CACNA1E: variants seen among roughly 807,000 people sequenced by gnomAD.
The protein encoded by CACNA1E is voltage-dependent R-type calcium channel subunit alpha-1E.
CACNA1E carries 40 observed loss-of-function variants against 259.2 expected under a neutral mutation model. That is an observed-to-expected ratio of 0.15 (90% CI 0.12 to 0.20). The LOEUF (loss-of-function observed/expected upper bound fraction) is 0.20. Among genes scored for constraint, CACNA1E ranks in the 10% least tolerant of loss-of-function variants. The pLI, the probability that CACNA1E is intolerant of heterozygous loss-of-function variation, is 1.00. For missense variants in CACNA1E, 1,874 were observed against 3,040.1 expected (o/e 0.62, Z 9.02); for synonymous variants, 1,104 against 1,138.5 (o/e 0.97, Z 0.61).
intron 6 of CACNA1E, among the ~76,000 whole-genome samples, chr1:181,606,102 C>T (rs1023500203): frequency 4.6e-5 from 7 of 152,070 alleles, no homozygotes; most frequent in Non-Finnish European, 1.0e-4. Flanking sequence ...ATTCTCACTC[C>T]CTCTCCTTCT....
intron 1 of CACNA1E, among the ~76,000 whole-genome samples, chr1:181,497,970 T>TCC (rs111502783): frequency 6.6e-6 from 1 of 151,974 alleles, no homozygotes; most frequent in African/African-American, 2.4e-5. Context: ...ATTTTGTCTT[T>TCC]CCCCCGCCAA....
intron 7 of CACNA1E, among the ~76,000 whole-genome samples, chr1:181,709,244 C>A (rs958679466): frequency 3.3e-5 from 5 of 152,202 alleles, no homozygotes; most frequent in Non-Finnish European, 7.4e-5. Context: ...CATCCCAGGG[C>A]TTGAATTCAG....
intron 1 of CACNA1E, among the ~76,000 whole-genome samples, chr1:181,339,932 AG>A (rs1652017062): frequency 6.6e-6 from 1 of 152,060 alleles, no homozygotes; most frequent in Non-Finnish European, 1.5e-5. Flanking sequence ...TGCCTTTTGA[AG>A]GTGTTTATGT....
intron 25 of CACNA1E, among the ~76,000 whole-genome samples, chr1:181,744,375 G>A (rs569370959): frequency 3.3e-4 from 50 of 152,292 alleles, no homozygotes; most frequent in African/African-American, 1.1e-3. Context: ...CCAACGAGTC[G>A]GGAGGCTGAG....
At chr1:181,396,761 G>A (rs555487148) in intron 1 of CACNA1E, among the ~76,000 whole-genome samples, 2 of 152,262 alleles carry the variant, frequency 1.3e-5, no homozygotes, top group African/African-American at 4.8e-5. Context: ...AATAGTTTAC[G>A]CTAAAACAGA....
chr1:181,671,893 C>T (rs1256360575), intron 7 of CACNA1E, among the ~76,000 whole-genome samples: 2 of 152,146 alleles, frequency 1.3e-5, no homozygotes, highest in African/African-American at 4.8e-5. Context: ...GGGTATATAC[C>T]TAGAGGAATA....
intron 2 of CACNA1E, among the ~76,000 whole-genome samples, chr1:181,415,006 T>A (rs1184368385): frequency 6.6e-6 from 1 of 152,234 alleles, no homozygotes; most frequent in Non-Finnish European, 1.5e-5. Context: ...CTTGAGTAAG[T>A]CACCTCATCA....
chr1:181,736,284 A>G lies in CACNA1E; in HGVS notation c.3272A>G (p.Lys1091Arg). The G allele has an allele frequency of 6.3e-7, 1 of 1,590,330 alleles. No individual in the cohort carries two copies. The highest frequency in any genetic ancestry group is 1.1e-5 in the South Asian group (1 of 87,124). Residue 1091 changes from lysine to arginine, a missense_variant, in exon 22 of 48, where the codon AAG (lysine) becomes AGG (arginine). By Grantham distance (26) the Lys-to-Arg change is conservative. This residue lies in a region of CACNA1E where 476 missense variants were observed against 514.0 expected (regional missense o/e 0.93). Coordinates refer to ENST00000367573, the MANE Select transcript of CACNA1E (RefSeq NM_001205293.3). ...CGTGTTCCTCTTGCAGTTAGCAACA[A>G]GACGGATGGGGAAGCCAGTCCCTTG... ...VDSTVVHISN[K>R]TDGEASPLKE...
intron 38 of CACNA1E, 147 bp from the exon 39 acceptor site, chr1:181,781,280 C>T: frequency 1.6e-6 from 1 of 608,194 alleles, no homozygotes; most frequent in Non-Finnish European, 3.0e-6. Context: ...CTCCTGTTTT[C>T]TGTATTTTGT....
At chr1:181,373,484 C>T (rs1654846671) in intron 1 of CACNA1E, among the ~76,000 whole-genome samples, 1 of 150,810 alleles carries the variant, frequency 6.6e-6, no homozygotes. Flanking sequence ...GGTAAGTCAC[C>T]TTTGTCATTT....
At chr1:181,332,207 C>T (rs999035907) in intron 1 of CACNA1E, among the ~76,000 whole-genome samples, 3 of 152,106 alleles carry the variant, frequency 2.0e-5, no homozygotes, top group African/African-American at 7.2e-5. Flanking sequence ...CACACTGGGG[C>T]CTGTCGAAGA....
intron 1 of CACNA1E, among the ~76,000 whole-genome samples, chr1:181,387,625 CTG>C (rs1655947669): frequency 6.6e-6 from 1 of 152,218 alleles, no homozygotes; most frequent in African/African-American, 2.4e-5. Flanking sequence ...TTCTCTCTAA[CTG>C]GAAGTGCAGA....
At chr1:181,367,184 G>C (rs1319084356) in intron 1 of CACNA1E, among the ~76,000 whole-genome samples, 3 of 152,178 alleles carry the variant, frequency 2.0e-5, no homozygotes, top group Non-Finnish European at 4.4e-5. Flanking sequence ...TGGGTGCCCT[G>C]TCGCTCATCA....
chr1:181,638,036 G>A (rs904843010), intron 6 of CACNA1E, among the ~76,000 whole-genome samples: 1 of 152,142 alleles, frequency 6.6e-6, no homozygotes, highest in Non-Finnish European at 1.5e-5. Context: ...GGATTGGCAT[G>A]GGCAAATTCC....
chr1:181,680,485 C>T (rs553308224), intron 7 of CACNA1E, among the ~76,000 whole-genome samples: 1 of 152,232 alleles, frequency 6.6e-6, no homozygotes, highest in Admixed American at 6.5e-5. Context: ...TGCCAACCCA[C>T]AGGGCCGGGA....
intron 1 of CACNA1E, among the ~76,000 whole-genome samples, chr1:181,319,737 G>T (rs1220779201): frequency 6.6e-6 from 1 of 152,162 alleles, no homozygotes; most frequent in East Asian, 1.9e-4. Flanking sequence ...ATAAATGATT[G>T]CCCTAAGAGT....
At chr1:181,344,319 C>G (rs887259120) in intron 1 of CACNA1E, among the ~76,000 whole-genome samples, 1 of 152,218 alleles carries the variant, frequency 6.6e-6, no homozygotes, top group African/African-American at 2.4e-5. Flanking sequence ...GCATTCCAGG[C>G]ACTGCTCTTT....
At chr1:181,539,233 T>C (rs1002542397) in intron 3 of CACNA1E, among the ~76,000 whole-genome samples, 3 of 152,214 alleles carry the variant, frequency 2.0e-5, no homozygotes, top group Admixed American at 2.0e-4. Context: ...ACTCACCCAG[T>C]TGACATTAGT....
chr1:181,337,379 G>T (rs1651796941), intron 1 of CACNA1E, among the ~76,000 whole-genome samples: 1 of 151,908 alleles, frequency 6.6e-6, no homozygotes. Context: ...CAGGATGGTA[G>T]AATCTACCCT....
Sources: gnomAD v4.1 joint callset for allele counts (sites outside exome capture counted in the v4.1 genomes callset) on GRCh38, gnomAD v4.1.1 for gene constraint, gnomAD v4.1.1 regional missense constraint, MANE v1.5 for transcripts, NCBI Gene and HGNC (gene_info 2026-07-23, HGNC 2026-07-21) for gene names.